TRAM1: variants seen among roughly 807,000 people sequenced by gnomAD.
TRAM1 encodes translocating chain-associated membrane protein 1.
A neutral mutation model predicts 48.7 loss-of-function variants in TRAM1; 17 were observed. The observed-to-expected ratio is 0.35, with a 90% CI of 0.24 to 0.52. The LOEUF (loss-of-function observed/expected upper bound fraction) is 0.52, where lower values mean the gene tolerates loss of function less well. Among genes scored for constraint, TRAM1 ranks in the 20% least tolerant of loss-of-function variants. The pLI, the probability that TRAM1 is intolerant of heterozygous loss-of-function variation, is 0.94. For synonymous variants in TRAM1, 182 were observed against 154.0 expected, an observed-to-expected ratio of 1.18 and a Z score of -1.34; for missense variants, 351 against 441.5, an observed-to-expected ratio of 0.79 and a Z score of 1.84.
chr8:70,597,602 G>A (rs1334368230), intron 4 of TRAM1, among the ~76,000 whole-genome samples: 2 of 145,396 alleles, frequency 1.4e-5, no homozygotes, highest in East Asian at 2.1e-4. Context: ...CCCGGGAGGC[G>A]GAGGTTGCAG....
intron 8 of TRAM1, among the ~76,000 whole-genome samples, chr8:70,586,430 AAAT>A (rs1476986355): frequency 4.6e-5 from 7 of 151,844 alleles, no homozygotes; most frequent in African/African-American, 1.2e-4. Flanking sequence ...AATAATAATA[AAAT>A]AATAAAAAAA....
intron 1 of TRAM1, among the ~76,000 whole-genome samples, chr8:70,600,830 C>G (rs1341636890): frequency 1.3e-5 from 2 of 151,950 alleles, no homozygotes; most frequent in African/African-American, 4.8e-5. Context: ...AATGAAGGAG[C>G]TGTGTTTTGC....
At chr8:70,597,795 C>A in intron 4 of TRAM1, 100 bp downstream of exon 4, 2 of 763,598 alleles carry the variant, frequency 2.6e-6, no homozygotes, top group Admixed American at 3.2e-5. Context: ...ATACCTAAAA[C>A]AGATTTATCA....
At chr8:70,575,085 A>C in intron 10 of TRAM1, 80 bp from the exon 11 acceptor site, 2 of 1,021,446 alleles carry the variant, frequency 2.0e-6, no homozygotes, top group Middle Eastern at 5.6e-4. Flanking sequence ...AGATACCTTC[A>C]GAAAAGAAAA....
In TRAM1 at chr8:70,585,722, A is replaced by T. The variant is rs570343872; in HGVS notation, c.746+1173T>A. On this transcript the variant is annotated intron_variant, in intron 8 of 10. Transcript: ENST00000262213. Reference sequence around the variant, plus strand: ...AAATGCAAATCAAAACCACAATGAGATACCATCTCACACCAGTTAGGAATG... The same window carrying T: ...AAATGCAAATCAAAACCACAATGAGTTACCATCTCACACCAGTTAGGAATG... 6.6e-5 allele frequency among the ~76,000 whole-genome samples: 6 copies of T among 90,968 alleles called. 1 individual carries two copies. In the South Asian group the frequency reaches 1.6e-3, roughly 24 times the overall value. 59.7% of individuals were successfully genotyped at this position (90,968 alleles called of 152,430 possible).
chr8:70,603,819 C>T (rs767712882), intron 1 of TRAM1, among the ~76,000 whole-genome samples: 23 of 152,098 alleles, frequency 1.5e-4, no homozygotes, highest in Non-Finnish European at 2.8e-4. Flanking sequence ...GCCAGGCTTC[C>T]AAATAAAATT....
intron 1 of TRAM1, chr8:70,607,857 T>G: frequency 4.7e-6 from 2 of 421,820 alleles, no homozygotes; most frequent in Non-Finnish European, 7.8e-6. Flanking sequence ...CGGGCCGCGA[T>G]GAGGCCCACC....
At chr8:70,581,010 G>A (rs1324033550) in intron 10 of TRAM1, among the ~76,000 whole-genome samples, 1 of 152,188 alleles carries the variant, frequency 6.6e-6, no homozygotes, top group Non-Finnish European at 1.5e-5. Context: ...TTCATACTCT[G>A]CAAAGCAACC....
In TRAM1 at chr8:70,583,186, G is replaced by C. The variant is rs536396085; in HGVS notation, c.1029C>G (p.Gly343=). ...AVKKKPTVTK[G]RSSKKGTENG... The stretch of plus-strand genomic sequence containing the variant: ...AACCTGTTCCTTTTTTAGAAGATCT[G>C]CCTTTAGTTACTGTTGGTTTCTTCT... Residue 343 remains glycine, a synonymous_variant, in exon 10 of 11, where the codon GGC becomes GGG. Transcript: ENST00000262213. The C allele has an allele frequency of 8.6e-5, 138 of 1,613,588 alleles. No homozygotes were observed. Among genetic ancestry groups the C allele is most frequent in the Non-Finnish European group, 1.1e-4 (132 of 1,179,860 alleles).
intron 1 of TRAM1, among the ~76,000 whole-genome samples, chr8:70,600,427 G>C (rs1024247687): frequency 3.3e-5 from 5 of 152,164 alleles, no homozygotes; most frequent in Admixed American, 2.0e-4. Context: ...CAAATTTCAA[G>C]TGTAAATTAA....
intron 9 of TRAM1, 150 bp downstream of exon 9, chr8:70,583,500 C>T: frequency 7.8e-7 from 1 of 1,289,768 alleles, no homozygotes; most frequent in Non-Finnish European, 1.1e-6. Context: ...TCACTTTAGA[C>T]ATGTAAAATA....
chr8:70,604,510 C>A (rs1227678522), intron 1 of TRAM1, among the ~76,000 whole-genome samples: 1 of 152,058 alleles, frequency 6.6e-6, no homozygotes, highest in Admixed American at 6.5e-5. Context: ...CATAGCAAGA[C>A]CCTGTCTCAA....
intron 10 of TRAM1, among the ~76,000 whole-genome samples, chr8:70,581,374 C>A (rs529958928): frequency 6.6e-6 from 1 of 152,100 alleles, no homozygotes; most frequent in East Asian, 1.9e-4. Context: ...AATCGACATA[C>A]GAATAAATGA....
rs1351844973 is a variant in TRAM1, at chr8:70,597,881, G to A, written c.426+14C>T. The stretch of plus-strand genomic sequence containing the variant: ...ATAAGGAAGGAGAACAACAACCTAA[G>A]AGGACATACTTACAGAGATGAGAAT... On this transcript the variant is annotated intron_variant, in intron 4 of 10. Transcript: ENST00000262213. The A allele has an allele frequency of 1.3e-6, 2 of 1,559,706 alleles. No individual in the cohort carries two copies. Among genetic ancestry groups the A allele is most frequent in the South Asian group, 2.4e-5 (2 of 81,874 alleles).
intron 8 of TRAM1, among the ~76,000 whole-genome samples, chr8:70,584,960 T>C (rs373723474): frequency 3.9e-5 from 6 of 152,144 alleles, no homozygotes; most frequent in Admixed American, 3.3e-4. Flanking sequence ...AAAAAAGAGC[T>C]CGCATCACCA....
At chr8:70,606,983 G>C in intron 1 of TRAM1, 1 of 958,854 alleles carries the variant, frequency 1.0e-6, no homozygotes, top group Non-Finnish European at 1.2e-6. Context: ...CTAGACTCTG[G>C]AAATACAGAC....
chr8:70,581,177 C>T (rs1176118272), intron 10 of TRAM1, among the ~76,000 whole-genome samples: 1 of 152,128 alleles, frequency 6.6e-6, no homozygotes, highest in African/African-American at 2.4e-5. Context: ...CTTGAGCCTA[C>T]AAGTTCAAGT....
At chr8:70,606,643 G>A (rs1188074343) in intron 1 of TRAM1, among the ~76,000 whole-genome samples, 1 of 152,082 alleles carries the variant, frequency 6.6e-6, no homozygotes, top group Non-Finnish European at 1.5e-5. Flanking sequence ...AGGTGGCACA[G>A]CCCAGACTTA....
intron 4 of TRAM1, 32 bp downstream of exon 4, chr8:70,597,863 A>C (rs777670630): frequency 2.1e-6 from 3 of 1,462,486 alleles, no homozygotes; most frequent in Non-Finnish European, 1.9e-6. Context: ...TAGATAAGGA[A>C]GGAGAACAAC....
Sources: gnomAD v4.1 joint callset for allele counts (sites outside exome capture counted in the v4.1 genomes callset) on GRCh38, gnomAD v4.1.1 for gene constraint, MANE v1.5 for transcripts, NCBI Gene and HGNC (gene_info 2026-07-23, HGNC 2026-07-21) for gene names.